Variants in SNTG2 observed in about 807,000 individuals in gnomAD.
SNTG2 encodes the protein gamma-2-syntrophin.
In SNTG2, 74 loss-of-function variants were observed where a neutral mutation model predicts 70.9. The observed-to-expected ratio is 1.04, with a 90% CI of 0.86 to 1.27. The LOEUF (loss-of-function observed/expected upper bound fraction) is 1.27, where lower values mean the gene tolerates loss of function less well. Ranked by LOEUF, SNTG2 falls within the 50% of genes most tolerant of loss-of-function variation. SNTG2 has a pLI of 0.00. For missense variants in SNTG2, 717 were observed against 690.7 expected (o/e 1.04, Z -0.43); for synonymous variants, 278 against 273.8 (o/e 1.02, Z -0.15).
intron 11 of SNTG2, among the ~76,000 whole-genome samples, chr2:1,240,158 A>G (rs914538070): frequency 6.6e-6 from 1 of 152,218 alleles, no homozygotes; most frequent in African/African-American, 2.4e-5. Flanking sequence ...TTATTTTCTT[A>G]AATAAAATCC....
rs141407246 is a variant in SNTG2 at position 1,228,778 on chromosome 2, C to T, written c.720-9110C>T. Among the ~76,000 whole-genome samples the T allele has an allele frequency of 1.5e-3, 224 of 152,330 alleles. 1 individual carries two copies. Among genetic ancestry groups the T allele is most frequent in the African/African-American group, 5.2e-3 (218 of 41,570 alleles). ...GGTGGGTTCTTGGTCTCACTGACTTCAAGAACGAAGCCGCGGACCCTCGCG... is the reference window on the plus strand; with the variant it reads ...GGTGGGTTCTTGGTCTCACTGACTTTAAGAACGAAGCCGCGGACCCTCGCG... On this transcript the variant is annotated intron_variant, in intron 9 of 16. Coordinates refer to ENST00000308624, the MANE Select transcript of SNTG2 (RefSeq NM_018968.4).
rs561177378 is a variant in SNTG2, at chr2:1,133,193, C to T, written c.326-4429C>T. On this transcript the variant is annotated intron_variant, in intron 4 of 16. Transcript: ENST00000308624. ...TCAGTAATTTTAGTCATTATTAATTCAAATAAATAATAAAATCTAACTCAG... is the reference window on the plus strand; with the variant it reads ...TCAGTAATTTTAGTCATTATTAATTTAAATAAATAATAAAATCTAACTCAG... 2.9e-3 allele frequency among the ~76,000 whole-genome samples: 441 copies of T among 152,190 alleles called. 2 individuals carry two copies. Among genetic ancestry groups the T allele is most frequent in the African/African-American group, 0.01 (434 of 41,520 alleles).
rs866465864 is a variant in SNTG2 at position 1,106,078 on chromosome 2, T to A, written c.325+7668T>A. On this transcript the variant is annotated intron_variant, in intron 4 of 16. Transcript: ENST00000308624. The stretch of plus-strand genomic sequence containing the variant: ...GAGCTCCTTGGTAATAGTGGACACC[T>A]GCTGTCACTCGGGTGCAGGGTATGG... Among the ~76,000 whole-genome samples, 524 of 130,018 alleles carry A rather than the reference T, an allele frequency of 4.0e-3. 11 individuals carry two copies. The highest frequency in any genetic ancestry group is 0.015 in the African/African-American group (489 of 33,034). 85.3% of individuals were successfully genotyped at this position (130,018 alleles called of 152,430 possible).
At chr2:1,186,720 C>T (rs148698453) in intron 8 of SNTG2, among the ~76,000 whole-genome samples, 149 of 152,186 alleles carry the variant, frequency 9.8e-4, no homozygotes, top group South Asian at 4.6e-3. Flanking sequence ...GGGAAATCTG[C>T]CCTCATGATC....
rs543587000 is a variant in SNTG2 at position 1,088,488 on chromosome 2, G to A, written c.210+4833G>A. Among the ~76,000 whole-genome samples the A allele has an allele frequency of 5.9e-5, 9 of 152,258 alleles. No homozygotes were observed. In the East Asian group the frequency reaches 1.4e-3, roughly 23 times the overall value. On this transcript the variant is annotated intron_variant, in intron 2 of 16. Transcript: ENST00000308624. ...TAGGGGAAGGTCTGATGGACACCTC[G>A]GCCTGTGCTCCACAGAGCTCATCAG...
intron 16 of SNTG2, among the ~76,000 whole-genome samples, chr2:1,320,276 T>C (rs1240872953): frequency 6.6e-6 from 1 of 151,960 alleles, no homozygotes; most frequent in African/African-American, 2.4e-5. Flanking sequence ...GGCTCATGCC[T>C]GTAATCTCAG....
At chr2:1,275,063 C>G (rs944805429) in intron 14 of SNTG2, among the ~76,000 whole-genome samples, 1 of 152,148 alleles carries the variant, frequency 6.6e-6, no homozygotes, top group African/African-American at 2.4e-5. Flanking sequence ...GACAGCCTAT[C>G]CTTGTAAAAA....
chr2:1,349,722 G>A (rs1660481342), intron 16 of SNTG2, among the ~76,000 whole-genome samples: 1 of 152,210 alleles, frequency 6.6e-6, no homozygotes, highest in Non-Finnish European at 1.5e-5. Flanking sequence ...GTGCCATCCA[G>A]ATGCCAGGGA....
At chr2:1,281,854 A>C (rs116319038) in intron 14 of SNTG2, among the ~76,000 whole-genome samples, 341 of 152,224 alleles carry the variant, frequency 2.2e-3, no homozygotes, top group Middle Eastern at 6.8e-3. Flanking sequence ...AGCACCCCAC[A>C]CATCTGTGGA....
chr2:1,254,184 G>A (rs940173819), intron 12 of SNTG2, among the ~76,000 whole-genome samples: 10 of 152,178 alleles, frequency 6.6e-5, no homozygotes, highest in Non-Finnish European at 1.3e-4. Flanking sequence ...AGTGGAAAAA[G>A]CAGGTCCGTG....
chr2:1,270,330 G>A (rs965052711), intron 14 of SNTG2, among the ~76,000 whole-genome samples: 1 of 152,138 alleles, frequency 6.6e-6, no homozygotes, highest in African/African-American at 2.4e-5. Context: ...TCATCATGGA[G>A]TACTTATAAA....
chr2:1,002,292 G>A (rs982011423), intron 1 of SNTG2, among the ~76,000 whole-genome samples: 1 of 152,044 alleles, frequency 6.6e-6, no homozygotes, highest in African/African-American at 2.4e-5. Context: ...CACAGTGAAA[G>A]ACAAAATTGA....
intron 1 of SNTG2, among the ~76,000 whole-genome samples, chr2:1,004,369 T>G (rs1659501075): frequency 6.6e-6 from 1 of 152,136 alleles, no homozygotes. Context: ...AAGACATTGT[T>G]AAGATAATGA....
chr2:1,310,245 C>T (rs1419641468), intron 15 of SNTG2, among the ~76,000 whole-genome samples: 2 of 152,108 alleles, frequency 1.3e-5, no homozygotes, highest in African/African-American at 2.4e-5. Flanking sequence ...TTTCCAGGAG[C>T]GAAACGCTGG....
rs74350457 is a variant in SNTG2 at position 1,317,743 on chromosome 2, A to G, written c.1488+1368A>G. ...GCATTGGAGAAGGTTGGGATTCTGG[A>G]GCATTGAGCATCAGGCCAGCATTGG... is the stretch of plus-strand genomic sequence containing the variant. On this transcript the variant is annotated intron_variant, in intron 16 of 16. Transcript: ENST00000308624. 9.2e-4 allele frequency among the ~76,000 whole-genome samples: 34 copies of G among 36,812 alleles called. 2 individuals are homozygous for G. Among genetic ancestry groups the G allele is most frequent in the African/African-American group, 2.2e-3 (26 of 11,922 alleles). 24.2% of individuals were successfully genotyped at this position (36,812 alleles called of 152,430 possible). A position where few individuals can be genotyped will look rare whatever the true frequency, so the allele number is the denominator to read the frequency against.
rs774503752 is a variant in SNTG2 at position 1,247,326 on chromosome 2, G to C, written c.889-1G>C. On this transcript the variant is annotated splice_acceptor_variant, in intron 11 of 16. Transcript: ENST00000308624. LOFTEE classifies it high-confidence loss of function. ...GGTTTGTAATTTTCACCCCTCTGCA[G>C]GTTGTGCATATGGGGTGGGTAAATG... 1 of 1,518,148 alleles carries C rather than the reference G, an allele frequency of 6.6e-7. No individual in the cohort carries two copies. The highest frequency in any genetic ancestry group is 2.3e-5 in the East Asian group (1 of 43,818). 94.0% of individuals were successfully genotyped at this position (1,518,148 alleles called of 1,614,324 possible).
At chr2:1,314,761 C>T (rs1681189658) in intron 15 of SNTG2, among the ~76,000 whole-genome samples, 1 of 152,214 alleles carries the variant, frequency 6.6e-6, no homozygotes, top group Admixed American at 6.5e-5. Context: ...CTCAGTTCCA[C>T]ATGGCTGGGG....
intron 1 of SNTG2, among the ~76,000 whole-genome samples, chr2:1,061,238 G>C (rs549676519): frequency 1.3e-5 from 2 of 152,206 alleles, no homozygotes; most frequent in Non-Finnish European, 2.9e-5. Flanking sequence ...ACAGCACAAA[G>C]CCGTGTGATC....
At chr2:1,295,294 C>T (rs1420659606) in intron 14 of SNTG2, among the ~76,000 whole-genome samples, 3 of 152,184 alleles carry the variant, frequency 2.0e-5, no homozygotes, top group Non-Finnish European at 4.4e-5. Context: ...TGAGGATCCG[C>T]CTCCTGTCTT....
Sources: allele counts gnomAD v4.1 joint callset (sites outside exome capture counted in the v4.1 genomes callset), GRCh38; gene constraint gnomAD v4.1.1; transcripts MANE v1.5; gene names NCBI Gene and HGNC (gene_info 2026-07-23, HGNC 2026-07-21).